CRMP1: variants seen among roughly 807,000 people sequenced by gnomAD.
CRMP1 encodes dihydropyrimidinase-related protein 1.
A neutral mutation model predicts 68.3 loss-of-function variants in CRMP1; 19 were observed. The ratio of observed to expected loss-of-function variants is 0.28; its 90% confidence interval spans 0.19 to 0.41. The LOEUF (loss-of-function observed/expected upper bound fraction) is 0.41. Among genes scored for constraint, CRMP1 ranks in the 10% least tolerant of loss-of-function variants. The pLI is 1.00. For missense variants in CRMP1, 791 were observed against 967.4 expected (o/e 0.82, Z 2.42); for synonymous variants, 439 against 399.6 (o/e 1.10, Z -1.18).
chr4:5,885,987 C>A (rs186737666), intron 1 of CRMP1, among the ~76,000 whole-genome samples: 40 of 152,316 alleles, frequency 2.6e-4, no homozygotes, highest in Non-Finnish European at 1.9e-4. Flanking sequence ...GATCTGGTTC[C>A]TGTCACAACA....
intron 13 of CRMP1, chr4:5,824,213 TGTG>T: frequency 1.2e-6 from 1 of 812,034 alleles, no homozygotes. Flanking sequence ...CTTGAGAGCT[TGTG>T]TCTTGTTGCA....
In CRMP1 at chr4:5,890,634, G is replaced by A. The variant is rs748488725; in HGVS notation, c.381+1955C>T. Among the ~76,000 whole-genome samples, 1 of 152,242 alleles carries A rather than the reference G, an allele frequency of 6.6e-6. No individual in the cohort carries two copies. The highest frequency in any genetic ancestry group is 1.5e-5 in the Non-Finnish European group (1 of 68,048). ...GGGAGCGCCAGAGGCGCTGCCTTTT[G>A]TCCGGTGCCTGAGAAGCCATGGAGA... On this transcript the variant is annotated intron_variant, in intron 1 of 13. Transcript: ENST00000324989. This position sits in a 1 kb window ranked among gnomAD's most constrained non-coding sequence, Gnocchi z 5.5.
Position 5,891,726 on chromosome 4 carries a change from C to A in CRMP1, c.381+863G>T, listed in dbSNP as rs1715957939. On this transcript the variant is annotated intron_variant, in intron 1 of 13. Transcript: ENST00000324989. This position sits in a 1 kb window ranked among gnomAD's most constrained non-coding sequence, Gnocchi z 5.2. Reference sequence around the variant, plus strand: ...TCTGGCACCTGACCCTGGCTCTCGTCGGTCCATCCAAAGGCTACGCCGTCC... The same window carrying A: ...TCTGGCACCTGACCCTGGCTCTCGTAGGTCCATCCAAAGGCTACGCCGTCC... Among the ~76,000 whole-genome samples the A allele has an allele frequency of 6.6e-6, 1 of 152,210 alleles. No individual in the cohort carries two copies. The highest frequency in any genetic ancestry group is 1.5e-5 in the Non-Finnish European group (1 of 68,040).
chr4:5,843,248 G>A lies in CRMP1; in HGVS notation c.964-87C>T. ...CTCCAACCCCCTGGTTAGACAGAGGGGGCAGCTGGGTCCCAAAGAGGCGAG... is the reference window on the plus strand; with the variant it reads ...CTCCAACCCCCTGGTTAGACAGAGGAGGCAGCTGGGTCCCAAAGAGGCGAG... On this transcript the variant is annotated intron_variant, in intron 6 of 13. Transcript: ENST00000324989. The surrounding 1 kb of genome is among the most constrained non-coding windows in gnomAD (Gnocchi z 4.1). 7.2e-7 allele frequency: 1 copy of A among 1,387,948 alleles called. No homozygotes were observed. Among genetic ancestry groups the A allele is most frequent in the East Asian group, 2.3e-5 (1 of 43,646 alleles). The allele number at this position is 1,387,948 out of a possible 1,614,324, so 86.0% of individuals were successfully genotyped here.
At chr4:5,827,761 GGCCT>G (rs1719914676) in intron 12 of CRMP1, among the ~76,000 whole-genome samples, 1 of 133,764 alleles carries the variant, frequency 7.5e-6, no homozygotes, top group Non-Finnish European at 1.5e-5. Context: ...ACACGAAGCT[GGCCT>G]TTCTGGCAAA....
rs1170120951 is a variant in CRMP1 at position 5,825,060 on chromosome 4, G to C, written c.1969+434C>G. 1 of 985,250 alleles carries C rather than the reference G, an allele frequency of 1.0e-6. No homozygotes were observed. Among genetic ancestry groups the C allele is most frequent in the Admixed American group, 6.2e-5 (1 of 16,256 alleles). 61.0% of individuals were successfully genotyped at this position (985,250 alleles called of 1,614,324 possible). A position where few individuals can be genotyped will look rare whatever the true frequency, so the allele number is the denominator to read the frequency against. ...AGTAGTGAGGATAAAATAAAATCATGGGTTATGAAAGTGCTTAGTACACTG... is the reference window on the plus strand; with the variant it reads ...AGTAGTGAGGATAAAATAAAATCATCGGTTATGAAAGTGCTTAGTACACTG... On this transcript the variant is annotated intron_variant, in intron 13 of 13. Transcript: ENST00000324989. This position sits in a 1 kb window ranked among gnomAD's most constrained non-coding sequence, Gnocchi z 4.4.
rs1462353233 is a variant in CRMP1, at chr4:5,890,883, C to T, written c.381+1706G>A. Among the ~76,000 whole-genome samples the T allele has an allele frequency of 6.6e-6, 1 of 152,114 alleles. No homozygotes were observed. Among genetic ancestry groups the T allele is most frequent in the Non-Finnish European group, 1.5e-5 (1 of 68,018 alleles). On this transcript the variant is annotated intron_variant, in intron 1 of 13. Coordinates refer to ENST00000324989, the MANE Select transcript of CRMP1 (RefSeq NM_001014809.3). The surrounding 1 kb of genome is among the most constrained non-coding windows in gnomAD (Gnocchi z 5.5). The stretch of plus-strand genomic sequence containing the variant: ...GCGCCCTCGCCTCCCTAGTACTCCA[C>T]CACGCTTTGAGGAAGGCCGGAAGAA...
intron 3 of CRMP1, among the ~76,000 whole-genome samples, chr4:5,857,392 CCCA>C (rs1330074081): frequency 1.3e-5 from 2 of 152,004 alleles, no homozygotes; most frequent in Non-Finnish European, 2.9e-5. Flanking sequence ...CATAATCACT[CCCA>C]CCATCATCAT....
At chr4:5,873,962 A>C (rs971097694) in intron 1 of CRMP1, among the ~76,000 whole-genome samples, 3 of 152,202 alleles carry the variant, frequency 2.0e-5, no homozygotes, top group African/African-American at 7.2e-5. Flanking sequence ...AAACATTTCC[A>C]AGCTAAGACA....
In CRMP1 at chr4:5,842,428, C is replaced by T. The variant is rs1157768379; in HGVS notation, c.1032+665G>A. On this transcript the variant is annotated intron_variant, in intron 7 of 13. Coordinates refer to ENST00000324989, the MANE Select transcript of CRMP1 (RefSeq NM_001014809.3). This position sits in a 1 kb window ranked among gnomAD's most constrained non-coding sequence, Gnocchi z 4.5. The stretch of plus-strand genomic sequence containing the variant: ...TGGGCAACAGAGAGAGACTCCATCT[C>T]AAAAAAAAAAAAAAAAAAAGAAAAG... 1.0e-5 allele frequency among the ~76,000 whole-genome samples: 1 copy of T among 99,102 alleles called. No homozygotes were observed. 65.0% of individuals were successfully genotyped at this position (99,102 alleles called of 152,430 possible). A position where few individuals can be genotyped will look rare whatever the true frequency, so the allele number is the denominator to read the frequency against.
In CRMP1 at chr4:5,856,260, C is replaced by G. The variant is rs773574222; in HGVS notation, c.703G>C (p.Glu235Gln). 5.6e-6 allele frequency: 9 copies of G among 1,613,634 alleles called. No homozygotes were observed. The highest frequency in any genetic ancestry group is 7.6e-6 in the Non-Finnish European group (9 of 1,179,862). ...EPGSSLLTSFEKWHEAADTKS... is the reference protein window; with the variant it reads ...EPGSSLLTSFQKWHEAADTKS... ...GTGTCAGCTGCTTCGTGCCACTTCT[C>G]GAAAGAGGTCAGTAGGCTGGACCCA... The change falls in exon 4 of 14, where the codon GAG becomes CAG. Residue 235 changes from glutamate (E) to glutamine (Q), a missense_variant. Around this residue, in one of 3 missense-constraint regions of CRMP1, gnomAD observed 594 missense variants for 763.6 expected, o/e 0.78. Coordinates refer to ENST00000324989, the MANE Select transcript of CRMP1 (RefSeq NM_001014809.3).
chr4:5,837,058 G>A (rs879888250), intron 9 of CRMP1, 152 bp from the exon 10 acceptor site: 24 of 847,968 alleles, frequency 2.8e-5, no homozygotes, highest in Middle Eastern at 5.5e-4. Context: ...GTGCCTGCAC[G>A]TGTCACAAGT....
chr4:5,874,761 A>C (rs1477521549), intron 1 of CRMP1, among the ~76,000 whole-genome samples: 1 of 152,160 alleles, frequency 6.6e-6, no homozygotes, highest in Non-Finnish European at 1.5e-5. Flanking sequence ...AGGAGGAGGA[A>C]AGAAAGGAGA....
At chr4:5,846,731 CAG>C (rs1481289807) in intron 6 of CRMP1, among the ~76,000 whole-genome samples, 1 of 142,524 alleles carries the variant, frequency 7.0e-6, no homozygotes, top group Non-Finnish European at 1.5e-5. Context: ...GCTAGGATTA[CAG>C]GCACCCGCCA....
Position 5,821,533 on chromosome 4 carries a change from C to T in CRMP1, c.*227G>A, listed in dbSNP as rs1002387922. The stretch of plus-strand genomic sequence containing the variant: ...AGGAAGGGGGAATGAAAACACCATG[C>T]TCCGAGGTGGATTCAGCATGAACAC... On this transcript the variant is annotated 3_prime_UTR_variant, in exon 14 of 14. Coordinates refer to ENST00000324989, the MANE Select transcript of CRMP1 (RefSeq NM_001014809.3). This position sits in a 1 kb window ranked among gnomAD's most constrained non-coding sequence, Gnocchi z 4.4. The T allele has an allele frequency of 1.8e-5, 10 of 550,358 alleles. No homozygotes were observed. Among genetic ancestry groups the T allele is most frequent in the Non-Finnish European group, 2.9e-5 (9 of 307,556 alleles). The allele number at this position is 550,358 out of a possible 1,614,324, so 34.1% of individuals were successfully genotyped here. A position where few individuals can be genotyped will look rare whatever the true frequency, so the allele number is the denominator to read the frequency against.
Position 5,872,747 on chromosome 4 carries a change from A to G in CRMP1, c.382-5991T>C, listed in dbSNP as rs1714546071. Among the ~76,000 whole-genome samples, 7 of 152,348 alleles carry G rather than the reference A, an allele frequency of 4.6e-5. 1 individual carries two copies. The South Asian group carries it at 1.4e-3, about 32-fold the overall frequency. On this transcript the variant is annotated intron_variant, in intron 1 of 13. Transcript: ENST00000324989. This position sits in a 1 kb window ranked among gnomAD's most constrained non-coding sequence, Gnocchi z 4.6. ...AAAGCATCTCATGAAAAACTCAGCCAAAGTCTAACAGCTGAATTGATTAGC... is the reference window on the plus strand; with the variant it reads ...AAAGCATCTCATGAAAAACTCAGCCGAAGTCTAACAGCTGAATTGATTAGC...
Position 5,877,630 on chromosome 4 carries a change from T to C in CRMP1, c.382-10874A>G, listed in dbSNP as rs1349344656. 6.6e-6 allele frequency among the ~76,000 whole-genome samples: 1 copy of C among 152,212 alleles called. No individual in the cohort carries two copies. Among genetic ancestry groups the C allele is most frequent in the African/African-American group, 2.4e-5 (1 of 41,454 alleles). ...GTGGCAACCGGTATGAGCCTGAATC[T>C]AATTAACACACATTCGTTCCCCCTC... On this transcript the variant is annotated intron_variant, in intron 1 of 13. Coordinates refer to ENST00000324989, the MANE Select transcript of CRMP1 (RefSeq NM_001014809.3). This position sits in a 1 kb window ranked among gnomAD's most constrained non-coding sequence, Gnocchi z 4.3.
chr4:5,828,022 G>A (rs1719958678), intron 12 of CRMP1: 2 of 984,932 alleles, frequency 2.0e-6, no homozygotes, highest in Non-Finnish European at 2.4e-6. Context: ...GGAAGAAAGG[G>A]CGGATCTGAA....
chr4:5,877,833 G>A lies in CRMP1; in HGVS notation c.382-11077C>T, dbSNP rs1268483284. ...AGCAGACTTTCAGGGAGCACTCCCT[G>A]ATGGACTGAATATCTGATTTTAAAA... On this transcript the variant is annotated intron_variant, in intron 1 of 13. Transcript: ENST00000324989. This position sits in a 1 kb window ranked among gnomAD's most constrained non-coding sequence, Gnocchi z 4.3. Among the ~76,000 whole-genome samples the A allele has an allele frequency of 6.6e-6, 1 of 152,174 alleles. No homozygotes were observed. Among genetic ancestry groups the A allele is most frequent in the Admixed American group, 6.5e-5 (1 of 15,272 alleles).
Sources: allele counts gnomAD v4.1 joint callset (sites outside exome capture counted in the v4.1 genomes callset), GRCh38; gene constraint gnomAD v4.1.1; regional missense constraint gnomAD v4.1.1; non-coding constraint Gnocchi (gnomAD v3.1); transcripts MANE v1.5; gene names NCBI Gene and HGNC (gene_info 2026-07-23, HGNC 2026-07-21).